The following TBC1D4 variants were observed in gnomAD, a reference collection of about 807,000 sequenced individuals.
TBC1D4 encodes the protein TBC (Tre-2, BUB2, CDC16) domain-containing protein.
Under a neutral mutation model 142.5 loss-of-function variants are expected in TBC1D4, and 121 were observed. The ratio of observed to expected loss-of-function variants is 0.85; its 90% CI spans 0.73 to 0.99. The LOEUF (loss-of-function observed/expected upper bound fraction) is 0.99, where lower values mean the gene tolerates loss of function less well. Among genes scored for constraint, TBC1D4 ranks in the 50% least tolerant of loss-of-function variants. The probability of loss-of-function intolerance (pLI) is 0.00; values close to 1 mark genes in which losing one functional copy is unlikely to be tolerated. For synonymous variants in TBC1D4, 630 were observed against 628.2 expected, an observed-to-expected ratio of 1.00 and a Z score of -0.04; for missense variants, 1,475 against 1,606.6, an observed-to-expected ratio of 0.92 and a Z score of 1.40.
intron 1 of TBC1D4, among the ~76,000 whole-genome samples, chr13:75,424,550 G>A (rs186883493): frequency 3.0e-4 from 45 of 151,492 alleles, no homozygotes; most frequent in East Asian, 1.2e-3. Flanking sequence ...GACCCAGAAC[G>A]ACCAAAGCAA....
chr13:75,305,084 TAGTG>T (rs971770343), intron 15 of TBC1D4, among the ~76,000 whole-genome samples: 12 of 152,250 alleles, frequency 7.9e-5, no homozygotes, highest in South Asian at 2.1e-4. Context: ...GTTCCTGTGG[TAGTG>T]AGTAAGTCTC....
chr13:75,333,403 T>TA (rs1879924900), intron 8 of TBC1D4, among the ~76,000 whole-genome samples: 1 of 152,064 alleles, frequency 6.6e-6, no homozygotes, highest in Non-Finnish European at 1.5e-5. Flanking sequence ...AAAATAAATT[T>TA]AAAAAAACAC....
At chr13:75,475,475 T>C (rs1333905250) in intron 1 of TBC1D4, among the ~76,000 whole-genome samples, 2 of 152,242 alleles carry the variant, frequency 1.3e-5, no homozygotes, top group African/African-American at 4.8e-5. Context: ...TTTTTTTAAG[T>C]AAATAAAATT....
At chr13:75,318,537 C>A (rs1429720069) in intron 12 of TBC1D4, among the ~76,000 whole-genome samples, 1 of 152,164 alleles carries the variant, frequency 6.6e-6, no homozygotes, top group African/African-American at 2.4e-5. Flanking sequence ...AAAACAATTT[C>A]ATTTCATAGA....
chr13:75,463,124 C>T (rs1888037151), intron 1 of TBC1D4, among the ~76,000 whole-genome samples: 3 of 152,008 alleles, frequency 2.0e-5, no homozygotes, highest in African/African-American at 4.8e-5. Context: ...TAACTGTTAA[C>T]GCACTCACAG....
chr13:75,321,907 G>A (rs886299967), intron 11 of TBC1D4, among the ~76,000 whole-genome samples: 4 of 152,138 alleles, frequency 2.6e-5, no homozygotes, highest in African/African-American at 9.7e-5. Context: ...TCTCACAAAC[G>A]AATGTCAGTG....
At chr13:75,333,767 A>G (rs959021828) in intron 8 of TBC1D4, among the ~76,000 whole-genome samples, 1 of 152,162 alleles carries the variant, frequency 6.6e-6, no homozygotes, top group African/African-American at 2.4e-5. Flanking sequence ...CCAATTCACA[A>G]TCTCCCATTC....
intron 1 of TBC1D4, among the ~76,000 whole-genome samples, chr13:75,460,351 A>C (rs1887914867): frequency 6.6e-6 from 1 of 152,162 alleles, no homozygotes; most frequent in African/African-American, 2.4e-5. Context: ...TTTCATCTGG[A>C]GGATGGGGAT....
intron 1 of TBC1D4, among the ~76,000 whole-genome samples, chr13:75,390,449 G>T (rs1463334649): frequency 6.6e-6 from 1 of 152,082 alleles, no homozygotes; most frequent in Non-Finnish European, 1.5e-5. Flanking sequence ...CACCATGGCT[G>T]CTGAAGAGTA....
At chr13:75,424,390 G>T (rs1483859350) in intron 1 of TBC1D4, among the ~76,000 whole-genome samples, 2 of 151,596 alleles carry the variant, frequency 1.3e-5, no homozygotes, top group Admixed American at 6.6e-5. Flanking sequence ...TGTATTTTTT[G>T]ATGTTTTTTA....
chr13:75,340,467 C>T (rs1017050518), intron 7 of TBC1D4, among the ~76,000 whole-genome samples: 10 of 151,694 alleles, frequency 6.6e-5, no homozygotes, highest in African/African-American at 2.2e-4. Flanking sequence ...TCTCCAGTTT[C>T]GATGAAATAA....
chr13:75,322,884 C>T (rs1226182283), intron 11 of TBC1D4, among the ~76,000 whole-genome samples: 4 of 152,016 alleles, frequency 2.6e-5, no homozygotes, highest in African/African-American at 9.7e-5. Context: ...TAAGGTCGTC[C>T]CTGAAAGCAC....
At chr13:75,427,232 C>T (rs528681582) in intron 1 of TBC1D4, among the ~76,000 whole-genome samples, 3 of 152,106 alleles carry the variant, frequency 2.0e-5, no homozygotes, top group Non-Finnish European at 4.4e-5. Flanking sequence ...GAGCTACAGG[C>T]GCCCCTCACC....
intron 1 of TBC1D4, among the ~76,000 whole-genome samples, chr13:75,414,188 C>A (rs1803184223): frequency 6.6e-6 from 1 of 152,232 alleles, no homozygotes; most frequent in Non-Finnish European, 1.5e-5. Flanking sequence ...GCCTAGGCCA[C>A]TGAACAATCT....
rs527736355 is a variant in TBC1D4, at chr13:75,369,833, A to G, written c.499-7226T>C. On this transcript the variant is annotated intron_variant, in intron 1 of 20. Transcript: ENST00000377636. ...ATTCCAATGTGTGCTACATAAGAAG[A>G]TGAAATAAGTGAGAAGCTATGGCTA... Among the ~76,000 whole-genome samples, 6 of 152,350 alleles carry G rather than the reference A, an allele frequency of 3.9e-5. No individual in the cohort carries two copies. The East Asian group carries it at 1.2e-3, about 29-fold the overall frequency.
In TBC1D4 at chr13:75,299,324, C is replaced by T; in HGVS notation, c.3156+6G>A. On this transcript the variant is annotated splice_donor_region_variant and intron_variant, in intron 17 of 20. Transcript: ENST00000377636. The stretch of plus-strand genomic sequence containing the variant: ...ACACCTTCCTCGGGAAGCACAAGTG[C>T]CTCACCTGCAGCGACATCATGTCAG... 3 of 1,613,954 alleles carry T rather than the reference C, an allele frequency of 1.9e-6. No homozygotes were observed. Among genetic ancestry groups the T allele is most frequent in the Non-Finnish European group, 2.5e-6 (3 of 1,180,002 alleles).
chr13:75,478,710 A>C (rs1429562760), intron 1 of TBC1D4, among the ~76,000 whole-genome samples: 2 of 152,216 alleles, frequency 1.3e-5, no homozygotes, highest in African/African-American at 4.8e-5. Context: ...CTAGCTGCAG[A>C]ATCAACACTT....
chr13:75,294,706 A>C, intron 18 of TBC1D4, 148 bp downstream of exon 18: 1 of 831,376 alleles, frequency 1.2e-6, no homozygotes, highest in Non-Finnish European at 1.8e-6. Flanking sequence ...CTGTCAGAAC[A>C]CAGCCAGGCA....
chr13:75,308,392 G>A (rs1051772115), intron 14 of TBC1D4, among the ~76,000 whole-genome samples: 1 of 152,118 alleles, frequency 6.6e-6, no homozygotes, highest in Admixed American at 6.6e-5. Flanking sequence ...CGAGAACCAC[G>A]ATGAATAAAC....
Sources: gnomAD v4.1 joint callset for allele counts (sites outside exome capture counted in the v4.1 genomes callset) on GRCh38, gnomAD v4.1.1 for gene constraint, MANE v1.5 for transcripts, NCBI Gene and HGNC (gene_info 2026-07-23, HGNC 2026-07-21) for gene names.